Variants in PDE4B observed in about 807,000 individuals in gnomAD.
The protein encoded by PDE4B is phosphodiesterase 4B, also known as 3',5'-cyclic-AMP phosphodiesterase 4B.
PDE4B carries 20 observed loss-of-function variants against 82.2 expected under a neutral mutation model. The ratio of observed to expected loss-of-function variants is 0.24; its 90% CI spans 0.17 to 0.35. The LOEUF (loss-of-function observed/expected upper bound fraction) is 0.35, where lower values mean the gene tolerates loss of function less well. Among genes scored for constraint, PDE4B ranks in the 10% least tolerant of loss-of-function variants. PDE4B has a pLI of 1.00. For missense variants in PDE4B, 655 were observed against 907.2 expected (o/e 0.72, Z 3.57); for synonymous variants, 320 against 318.9 (o/e 1.00, Z -0.04).
chr1:65,883,691 A>G lies in PDE4B; in HGVS notation c.-70-29554A>G, dbSNP rs567781183. 5.3e-5 allele frequency among the ~76,000 whole-genome samples: 8 copies of G among 152,088 alleles called. No individual in the cohort carries two copies. In the East Asian group the frequency reaches 7.7e-4, roughly 15 times the overall value. On this transcript the variant is annotated intron_variant, in intron 1 of 16. Transcript: ENST00000341517. ...TGCCCTGGCCAGAACTTCCAACACT[A>G]TGTTGAATAGGAGTGGTGAGAGAGG...
At chr1:66,321,642 A>G (rs980111582) in intron 7 of PDE4B, among the ~76,000 whole-genome samples, 3 of 152,188 alleles carry the variant, frequency 2.0e-5, no homozygotes, top group Non-Finnish European at 4.4e-5. Flanking sequence ...TTCAAGGAGA[A>G]CTACAAACCA....
chr1:66,168,552 G>T (rs1646779654), intron 3 of PDE4B, among the ~76,000 whole-genome samples: 1 of 152,152 alleles, frequency 6.6e-6, no homozygotes. Flanking sequence ...TAACCACAAA[G>T]GGTCACTGTG....
At chr1:66,249,032 T>C (rs1653548040) in intron 4 of PDE4B, among the ~76,000 whole-genome samples, 1 of 152,188 alleles carries the variant, frequency 6.6e-6, no homozygotes, top group African/African-American at 2.4e-5. Flanking sequence ...TTTTGGAATC[T>C]TTCCATCCAT....
At chr1:65,920,096 A>G (rs1647210014) in intron 3 of PDE4B, among the ~76,000 whole-genome samples, 9 of 152,238 alleles carry the variant, frequency 5.9e-5, no homozygotes, top group Admixed American at 5.9e-4. Flanking sequence ...TCAATCACAT[A>G]GCTTATGTGA....
intron 8 of PDE4B, among the ~76,000 whole-genome samples, chr1:66,351,942 C>T (rs1570752793): frequency 6.6e-6 from 1 of 152,142 alleles, no homozygotes; most frequent in East Asian, 1.9e-4. Flanking sequence ...TAACTGGACT[C>T]TACATATACT....
At chr1:66,063,563 A>C (rs545360061) in intron 3 of PDE4B, among the ~76,000 whole-genome samples, 21 of 152,158 alleles carry the variant, frequency 1.4e-4, no homozygotes, top group African/African-American at 4.6e-4. Flanking sequence ...TAGTACATAC[A>C]TAAAGATCAG....
At chr1:65,943,348 T>G (rs1297668766) in intron 3 of PDE4B, among the ~76,000 whole-genome samples, 1 of 151,870 alleles carries the variant, frequency 6.6e-6, no homozygotes, top group Non-Finnish European at 1.5e-5. Context: ...CTCTCTGTTC[T>G]TTTGGTCTAT....
At chr1:66,306,114 A>G (rs879441525) in intron 7 of PDE4B, among the ~76,000 whole-genome samples, 2 of 152,132 alleles carry the variant, frequency 1.3e-5, no homozygotes, top group African/African-American at 2.4e-5. Context: ...GCTGAAAATA[A>G]CAGAACTTGT....
intron 3 of PDE4B, among the ~76,000 whole-genome samples, chr1:66,067,464 CT>C (rs1655917759): frequency 6.6e-6 from 1 of 151,936 alleles, no homozygotes; most frequent in Admixed American, 6.6e-5. Context: ...TTTCATGTGT[CT>C]TTTGGCTGCA....
Position 66,374,400 on chromosome 1 carries a change from T to C in PDE4B, c.*1722T>C, listed in dbSNP as rs1218352915. On this transcript the variant is annotated 3_prime_UTR_variant, in exon 17 of 17. Coordinates refer to ENST00000341517, the MANE Select transcript of PDE4B (RefSeq NM_002600.4). ...ATTGTGACTCAGTAATTACAGAAAA[T>C]GGCACAAATGTGCATGACCAATGTA... 1.3e-5 allele frequency: 2 copies of C among 148,396 alleles called. No homozygotes were observed. The highest frequency in any genetic ancestry group is 1.4e-4 in the Admixed American group (2 of 14,578). 9.2% of individuals were successfully genotyped at this position (148,396 alleles called of 1,614,324 possible). A position where few individuals can be genotyped will look rare whatever the true frequency, so the allele number is the denominator to read the frequency against.
intron 3 of PDE4B, among the ~76,000 whole-genome samples, chr1:66,235,975 G>T (rs969465767): frequency 6.6e-6 from 1 of 152,190 alleles, no homozygotes; most frequent in African/African-American, 2.4e-5. Context: ...AAGCTTGGCT[G>T]CTGTGATTGG....
intron 1 of PDE4B, among the ~76,000 whole-genome samples, chr1:65,848,339 T>C (rs1646290580): frequency 6.6e-6 from 1 of 152,050 alleles, no homozygotes; most frequent in East Asian, 1.9e-4. Context: ...AGAGACGGGA[T>C]TTCACCATGT....
intron 1 of PDE4B, among the ~76,000 whole-genome samples, chr1:65,827,905 G>GA (rs1370963609): frequency 6.6e-6 from 1 of 151,996 alleles, no homozygotes; most frequent in Admixed American, 6.6e-5. Flanking sequence ...GCAGGCAAAG[G>GA]AAAAAAGTCA....
In PDE4B at chr1:66,157,536, C is replaced by G. The variant is rs565559388; in HGVS notation, c.282-89924C>G. Among the ~76,000 whole-genome samples the G allele has an allele frequency of 2.0e-5, 3 of 152,314 alleles. No individual in the cohort carries two copies. The South Asian group carries it at 6.2e-4, about 32-fold the overall frequency. On this transcript the variant is annotated intron_variant, in intron 3 of 16. Transcript: ENST00000341517. ...TACTGGCTCTGTCTAGAATTTTCCT[C>G]TACCAGACCTTCTCATAATTCATTC...
At position 65,958,748 on chromosome 1, in the gene PDE4B, A is replaced by ACG. The variant is rs771789001; in HGVS notation, c.281+39929_281+39930dup. Among the ~76,000 whole-genome samples the ACG allele has an allele frequency of 2.4e-3, 331 of 135,968 alleles. 2 individuals carry two copies. Among genetic ancestry groups the ACG allele is most frequent in the East Asian group, 5.5e-3 (28 of 5,058 alleles). The allele number at this position is 135,968 out of a possible 152,430, so 89.2% of individuals were successfully genotyped here. On this transcript the variant is annotated intron_variant, in intron 3 of 16. Coordinates refer to ENST00000341517, the MANE Select transcript of PDE4B (RefSeq NM_002600.4). ...TATAATGTGATACACACACACACAC[A>ACG]CGCGCGCGCGCGCGCGCACACACAT...
At chr1:66,009,952 T>C (rs1557494906) in intron 3 of PDE4B, among the ~76,000 whole-genome samples, 1 of 143,418 alleles carries the variant, frequency 7.0e-6, no homozygotes, top group Non-Finnish European at 1.5e-5. Context: ...TATCTATCTA[T>C]CATCTATCTA....
In PDE4B at chr1:66,328,980, C is replaced by T. The variant is rs538436391; in HGVS notation, c.635-3528C>T. Reference sequence around the variant, plus strand: ...ATGCTAAGATCCAAGGGGTTGTCTGCTGTGGATAGGGGCTTGGGGACCATG... The same window carrying T: ...ATGCTAAGATCCAAGGGGTTGTCTGTTGTGGATAGGGGCTTGGGGACCATG... On this transcript the variant is annotated intron_variant, in intron 7 of 16. Transcript: ENST00000341517. Among the ~76,000 whole-genome samples the T allele has an allele frequency of 4.9e-4, 75 of 152,294 alleles. 1 individual carries two copies. The South Asian group carries it at 0.015, about 31-fold the overall frequency.
rs71590332 is a variant in PDE4B, at chr1:65,841,381, A to AAAGGAAGGAAGGAAGG, written c.-71+48136_-71+48151dup. Among the ~76,000 whole-genome samples, 923 of 150,336 alleles carry AAAGGAAGGAAGGAAGG rather than the reference A, an allele frequency of 6.1e-3. 8 individuals carry two copies. Among genetic ancestry groups the AAAGGAAGGAAGGAAGG allele is most frequent in the African/African-American group, 0.018 (730 of 40,786 alleles). On this transcript the variant is annotated intron_variant, in intron 1 of 16. Transcript: ENST00000341517. ...AAGAGAGAGAAAGGGAAAGGAAAGG[A>AAAGGAAGGAAGGAAGG]AAGGAAGGAAGGAAGGAATTATTGC...
At chr1:65,856,952 A>G (rs1357930433) in intron 1 of PDE4B, among the ~76,000 whole-genome samples, 1 of 152,164 alleles carries the variant, frequency 6.6e-6, no homozygotes, top group Non-Finnish European at 1.5e-5. Context: ...ATAGTGTCAG[A>G]TATCTTGGAG....
Sources: allele counts gnomAD v4.1 joint callset (sites outside exome capture counted in the v4.1 genomes callset), GRCh38; gene constraint gnomAD v4.1.1; transcripts MANE v1.5; gene names NCBI Gene and HGNC (gene_info 2026-07-23, HGNC 2026-07-21).